The following ZBTB20 variants were observed in gnomAD, a reference collection of about 807,000 sequenced individuals.
The protein encoded by ZBTB20 is zinc finger and BTB domain-containing protein 20.
In ZBTB20, 9 loss-of-function variants were observed where a neutral mutation model predicts 56.9. That is an observed-to-expected ratio of 0.16 (90% confidence interval 0.10 to 0.28). The LOEUF (loss-of-function observed/expected upper bound fraction) is 0.28, where lower values mean the gene tolerates loss of function less well. Ranked by LOEUF, ZBTB20 falls within the 10% of genes least tolerant of loss-of-function variation. The pLI, the probability that ZBTB20 is intolerant of heterozygous loss-of-function variation, is 1.00. For missense variants in ZBTB20, 655 were observed against 1,003.0 expected (o/e 0.65, Z 4.69); for synonymous variants, 417 against 420.7 (o/e 0.99, Z 0.11).
intron 1 of ZBTB20, among the ~76,000 whole-genome samples, chr3:115,092,313 C>T (rs568169885): frequency 2.6e-5 from 4 of 152,092 alleles, no homozygotes; most frequent in East Asian, 1.9e-4. Flanking sequence ...GCAACAGGGA[C>T]ACAAGGTGGC....
chr3:114,377,421 T>G (rs768150362), intron 10 of ZBTB20, among the ~76,000 whole-genome samples: 2 of 152,190 alleles, frequency 1.3e-5, no homozygotes, highest in East Asian at 1.9e-4. Flanking sequence ...TTTGCCGAAT[T>G]TGAAGAGGCT....
At chr3:114,825,922 T>A (rs1157276825) in intron 4 of ZBTB20, among the ~76,000 whole-genome samples, 4 of 151,842 alleles carry the variant, frequency 2.6e-5, no homozygotes, top group Admixed American at 2.6e-4. Context: ...CTTGTCAGTA[T>A]CTATGATCAC....
At chr3:114,809,054 C>A (rs1168608319) in intron 4 of ZBTB20, among the ~76,000 whole-genome samples, 1 of 150,536 alleles carries the variant, frequency 6.6e-6, no homozygotes, top group South Asian at 2.1e-4. Flanking sequence ...AGCTGTTAAT[C>A]GTAGTGTTGT....
chr3:114,940,369 G>A (rs1424358703), intron 3 of ZBTB20, among the ~76,000 whole-genome samples: 2 of 133,626 alleles, frequency 1.5e-5, no homozygotes, highest in Non-Finnish European at 3.0e-5. Context: ...ACTAAGAAAG[G>A]AGGAATTATT....
At chr3:114,675,081 TTA>T (rs1017388234) in intron 6 of ZBTB20, among the ~76,000 whole-genome samples, 36 of 148,096 alleles carry the variant, frequency 2.4e-4, no homozygotes, top group African/African-American at 7.1e-4. Context: ...ATTATATATA[TTA>T]TATATATACA....
intron 6 of ZBTB20, among the ~76,000 whole-genome samples, chr3:114,620,367 A>G (rs2058238170): frequency 6.6e-6 from 1 of 151,902 alleles, no homozygotes; most frequent in African/African-American, 2.4e-5. Flanking sequence ...ACTTTGGCTC[A>G]CTGCAATCTC....
intron 7 of ZBTB20, among the ~76,000 whole-genome samples, chr3:114,481,616 C>G (rs1200775810): frequency 6.6e-6 from 1 of 152,200 alleles, no homozygotes; most frequent in Non-Finnish European, 1.5e-5. Context: ...TGCGCATCTC[C>G]AGTCCCAATG....
chr3:115,085,396 T>C (rs770398523), intron 1 of ZBTB20, among the ~76,000 whole-genome samples: 22 of 151,898 alleles, frequency 1.4e-4, no homozygotes, highest in Admixed American at 5.3e-4. Context: ...TGGAAGTAAG[T>C]TGGACACTCT....
intron 7 of ZBTB20, among the ~76,000 whole-genome samples, chr3:114,466,970 C>T (rs2092580391): frequency 6.6e-6 from 1 of 152,132 alleles, no homozygotes; most frequent in African/African-American, 2.4e-5. Flanking sequence ...GACAAAGTTA[C>T]CTGAAGCAGG....
At position 114,793,965 on chromosome 3, in the gene ZBTB20, C is replaced by T. The variant is rs144637739; in HGVS notation, c.-343+7136G>A. Among the ~76,000 whole-genome samples the T allele has an allele frequency of 4.7e-3, 708 of 151,924 alleles. 4 individuals are homozygous for T. Among genetic ancestry groups the T allele is most frequent in the South Asian group, 0.026 (125 of 4,812 alleles). ...TCCTAAATTTTTTCAGTCTTTTAGA[C>T]ATTTGGGCTATTAGAGAACTAATGA... On this transcript the variant is annotated intron_variant, in intron 5 of 11. Coordinates refer to ENST00000675478, the MANE Select transcript of ZBTB20 (RefSeq NM_001348800.3).
intron 1 of ZBTB20, among the ~76,000 whole-genome samples, chr3:115,073,332 A>G (rs2082478639): frequency 6.6e-6 from 1 of 152,188 alleles, no homozygotes; most frequent in Non-Finnish European, 1.5e-5. Flanking sequence ...GTTCTTGTTA[A>G]AAGTGTTTTA....
chr3:115,023,637 T>C (rs1225176082), intron 2 of ZBTB20, among the ~76,000 whole-genome samples: 5 of 150,986 alleles, frequency 3.3e-5, no homozygotes, highest in Non-Finnish European at 7.4e-5. Flanking sequence ...AAATCCTTAC[T>C]CTTTGTACTT....
intron 11 of ZBTB20, among the ~76,000 whole-genome samples, chr3:114,342,992 A>T (rs1293864480): frequency 6.6e-6 from 1 of 152,178 alleles, no homozygotes; most frequent in Non-Finnish European, 1.5e-5. Context: ...CAGCAAGGGA[A>T]GAAACTGAGG....
chr3:114,354,587 G>GTTTTTT (rs10663657), intron 10 of ZBTB20, among the ~76,000 whole-genome samples: 6 of 130,142 alleles, frequency 4.6e-5, no homozygotes, highest in Non-Finnish European at 6.3e-5. Flanking sequence ...TGTTTTGTTT[G>GTTTTTT]TTTTTTTTTT....
intron 5 of ZBTB20, among the ~76,000 whole-genome samples, chr3:114,761,842 A>G (rs1167113627): frequency 6.6e-6 from 1 of 151,852 alleles, no homozygotes; most frequent in Non-Finnish European, 1.5e-5. Flanking sequence ...TCAAAAAAAA[A>G]GAAAAAAAAA....
At chr3:114,386,135 T>C (rs1201308098) in intron 8 of ZBTB20, among the ~76,000 whole-genome samples, 1 of 152,212 alleles carries the variant, frequency 6.6e-6, no homozygotes, top group Non-Finnish European at 1.5e-5. Context: ...CTGGACACTA[T>C]GGTCTATTCA....
intron 4 of ZBTB20, among the ~76,000 whole-genome samples, chr3:114,891,170 A>G (rs2076792588): frequency 6.6e-6 from 1 of 152,208 alleles, no homozygotes; most frequent in Admixed American, 6.5e-5. Flanking sequence ...TCTGAGGTCA[A>G]GTTTTGGTGT....
intron 6 of ZBTB20, among the ~76,000 whole-genome samples, chr3:114,681,337 T>G (rs1214529121): frequency 6.6e-6 from 1 of 151,664 alleles, no homozygotes; most frequent in African/African-American, 2.4e-5. Context: ...ATTTTTGTAT[T>G]GTTAGTAGAG....
chr3:114,701,364 C>T (rs1047432577), intron 5 of ZBTB20, among the ~76,000 whole-genome samples: 2 of 152,106 alleles, frequency 1.3e-5, no homozygotes, highest in Admixed American at 6.6e-5. Context: ...AAATTTCTTG[C>T]TCCTATTTCT....
Sources: gnomAD v4.1 joint callset for allele counts (sites outside exome capture counted in the v4.1 genomes callset) on GRCh38, gnomAD v4.1.1 for gene constraint, MANE v1.5 for transcripts, NCBI Gene and HGNC (gene_info 2026-07-23, HGNC 2026-07-21) for gene names.